TRAPPC8: variants seen among roughly 807,000 people sequenced by gnomAD.
TRAPPC8 encodes general sporulation gene 1 homolog.
TRAPPC8 carries 54 observed loss-of-function variants against 174.3 expected under a neutral mutation model. The ratio of observed to expected loss-of-function variants is 0.31; its 90% CI spans 0.25 to 0.39. TRAPPC8 has a LOEUF of 0.39. Among genes scored for constraint, TRAPPC8 ranks in the 10% least tolerant of loss-of-function variants. The pLI is 1.00. For synonymous variants in TRAPPC8, 630 were observed against 579.9 expected (o/e 1.09, Z -1.24); for missense variants, 1,531 against 1,699.1 (o/e 0.90, Z 1.74).
At chr18:31,832,565 T>G (rs2032436775) in intron 27 of TRAPPC8, 1 of 152,220 alleles carries the variant, frequency 6.6e-6, no homozygotes, top group Admixed American at 6.6e-5. Flanking sequence ...AAAAATTACT[T>G]AATTTTGAGA....
rs762071094 is a variant in TRAPPC8, at chr18:31,830,842, T to A, written c.4221A>T (p.Val1407=). 3.1e-6 allele frequency: 5 copies of A among 1,614,162 alleles called. No homozygotes were observed. The South Asian group carries it at 5.5e-5, about 18-fold the overall frequency. ...TGVYNLGTPR[V]FAKLSDQVTV... The stretch of plus-strand genomic sequence containing the variant: ...TAACTTGGTCCGATAACTTGGCAAA[T>A]ACCCTAGGAGTTCCAAGGTTATAAA... Residue 1407 remains valine, a synonymous_variant, in exon 29 of 29, where the codon GTA becomes GTT. Coordinates refer to ENST00000283351, the MANE Select transcript of TRAPPC8 (RefSeq NM_014939.5).
intron 1 of TRAPPC8, among the ~76,000 whole-genome samples, chr18:31,932,167 C>T (rs887485909): frequency 6.6e-5 from 10 of 152,004 alleles, no homozygotes; most frequent in African/African-American, 1.9e-4. Context: ...CGGTGGCTCA[C>T]GCCTATAATC....
chr18:31,839,546 A>C, intron 26 of TRAPPC8, 89 bp from the exon 27 acceptor site: 3 of 1,237,068 alleles, frequency 2.4e-6, no homozygotes, highest in Non-Finnish European at 3.2e-6. Context: ...CAAAAGTTAA[A>C]ATCAGCAGAG....
At chr18:31,843,256 A>T (rs190956652) in intron 26 of TRAPPC8, among the ~76,000 whole-genome samples, 3 of 152,218 alleles carry the variant, frequency 2.0e-5, no homozygotes, top group African/African-American at 4.8e-5. Context: ...TTATTAAACA[A>T]TATCACCTCT....
At chr18:31,849,887 C>T in intron 24 of TRAPPC8, 148 bp from the exon 25 acceptor site, 1 of 657,512 alleles carries the variant, frequency 1.5e-6, no homozygotes, top group Non-Finnish European at 2.3e-6. Flanking sequence ...TTCAATAATT[C>T]TTGTCAATGT....
At position 31,849,439 on chromosome 18, in the gene TRAPPC8, TA is replaced by T. The variant is rs1393181341; in HGVS notation, c.3735+126del. 4 of 854,068 alleles carry T rather than the reference TA, an allele frequency of 4.7e-6. No individual in the cohort carries two copies. In the African/African-American group the frequency reaches 5.3e-5, roughly 11 times the overall value. The allele number at this position is 854,068 out of a possible 1,614,324, so 52.9% of individuals were successfully genotyped here. ...AGGCCAAAAAAAAATATGTAACTGT[TA>T]AAGTTTCAATATTGAAACTAGAAAA... On this transcript the variant is annotated intron_variant, in intron 25 of 28. Coordinates refer to ENST00000283351, the MANE Select transcript of TRAPPC8 (RefSeq NM_014939.5).
intron 9 of TRAPPC8, among the ~76,000 whole-genome samples, chr18:31,904,908 T>C (rs1598713672): frequency 6.6e-6 from 1 of 151,842 alleles, no homozygotes; most frequent in African/African-American, 2.4e-5. Context: ...CACATGCTTG[T>C]AATCCCAGCT....
intron 24 of TRAPPC8, among the ~76,000 whole-genome samples, chr18:31,851,512 TC>T (rs2033700869): frequency 6.8e-6 from 1 of 147,412 alleles, no homozygotes; most frequent in Non-Finnish European, 1.5e-5. Context: ...TCTAGGAGGC[TC>T]TTTTTTTTTT....
At chr18:31,878,556 C>T (rs993903741) in intron 12 of TRAPPC8, among the ~76,000 whole-genome samples, 4 of 152,078 alleles carry the variant, frequency 2.6e-5, no homozygotes, top group East Asian at 1.9e-4. Flanking sequence ...TAAAGATACA[C>T]GTAAGTACAA....
chr18:31,858,852 GCCAGAGTTGGTGGATC>G (rs201579113), intron 19 of TRAPPC8, among the ~76,000 whole-genome samples: 1,617 of 152,288 alleles, frequency 0.011, 28 homozygotes, highest in African/African-American at 0.037. Flanking sequence ...ACTTTGGGAG[GCCAGAGTTGGTGGATC>G]CCAGAGTTGG....
In TRAPPC8 at chr18:31,937,163, G is replaced by C. The variant is rs566656008; in HGVS notation, c.157+5445C>G. Among the ~76,000 whole-genome samples, 3 of 152,216 alleles carry C rather than the reference G, an allele frequency of 2.0e-5. No individual in the cohort carries two copies. In the South Asian group the frequency reaches 6.2e-4, roughly 32 times the overall value. On this transcript the variant is annotated intron_variant, in intron 1 of 28. Coordinates refer to ENST00000283351, the MANE Select transcript of TRAPPC8 (RefSeq NM_014939.5). ...CAGGAGGCGGAGCTTGCAGTGAGCT[G>C]AGACGCACCACTGCACTCCAGCCTG...
At chr18:31,852,880 T>C (rs543850943) in intron 22 of TRAPPC8, 6 of 507,276 alleles carry the variant, frequency 1.2e-5, no homozygotes, top group African/African-American at 9.6e-5. Flanking sequence ...TGCACATGTA[T>C]ATATATATAT....
rs939749578 is a variant in TRAPPC8, at chr18:31,829,676, C to A, written c.*1079G>T. 3.9e-5 allele frequency: 6 copies of A among 152,256 alleles called. No homozygotes were observed. The highest frequency in any genetic ancestry group is 1.4e-4 in the African/African-American group (6 of 41,448). The allele number at this position is 152,256 out of a possible 1,614,324, so 9.4% of individuals were successfully genotyped here. On this transcript the variant is annotated 3_prime_UTR_variant, in exon 29 of 29. Coordinates refer to ENST00000283351, the MANE Select transcript of TRAPPC8 (RefSeq NM_014939.5). ...ATTAGTGCCGAGATTGAGACTGGAA[C>A]AAACCATGGTAGCTGTCAATGGCAC...
At chr18:31,855,840 A>C (rs1415769794) in intron 20 of TRAPPC8, 33 bp from the exon 21 acceptor site, 1 of 1,567,756 alleles carries the variant, frequency 6.4e-7, no homozygotes, top group Non-Finnish European at 8.6e-7. Context: ...AAGCACATTT[A>C]AGCACAGAGT....
rs1168030775 is a variant in TRAPPC8, at chr18:31,934,871, C to T, written c.158-3348G>A. 4.6e-5 allele frequency among the ~76,000 whole-genome samples: 7 copies of T among 151,292 alleles called. No homozygotes were observed. The South Asian group carries it at 1.3e-3, about 27-fold the overall frequency. ...AATGAGAGCTGAGATCACACTACTG[C>T]ACTCCAGCCTGGGCAATGAGAGCTG... On this transcript the variant is annotated intron_variant, in intron 1 of 28. Coordinates refer to ENST00000283351, the MANE Select transcript of TRAPPC8 (RefSeq NM_014939.5).
In TRAPPC8 at chr18:31,940,402, T is replaced by C. The variant is rs142995475; in HGVS notation, c.157+2206A>G. The stretch of plus-strand genomic sequence containing the variant: ...ATCGCTTGAACCTGGGAGGCAGAGG[T>C]TGTAGTGAGCCAAGATCGCGCCACT... On this transcript the variant is annotated intron_variant, in intron 1 of 28. Coordinates refer to ENST00000283351, the MANE Select transcript of TRAPPC8 (RefSeq NM_014939.5). Among the ~76,000 whole-genome samples the C allele has an allele frequency of 7.1e-3, 1,084 of 152,124 alleles. 15 individuals are homozygous for C. Among genetic ancestry groups the C allele is most frequent in the African/African-American group, 0.025 (1,045 of 41,500 alleles).
chr18:31,941,680 T>G (rs144412279), intron 1 of TRAPPC8, among the ~76,000 whole-genome samples: 2 of 152,194 alleles, frequency 1.3e-5, no homozygotes, highest in East Asian at 3.9e-4. Context: ...ACAGCACTGA[T>G]TTTTTTTGTG....
chr18:31,919,533 A>AAAAT lies in TRAPPC8; in HGVS notation c.353-1870_353-1867dup, dbSNP rs200943530. On this transcript the variant is annotated intron_variant, in intron 2 of 28. Coordinates refer to ENST00000283351, the MANE Select transcript of TRAPPC8 (RefSeq NM_014939.5). ...GGGCAATAGAGTGAGACTCAGTCTC[A>AAAAT]AAATAAATAAATAAATAAATAAATA... Among the ~76,000 whole-genome samples, 1,000 of 115,628 alleles carry AAAAT rather than the reference A, an allele frequency of 8.6e-3. 9 individuals are homozygous for AAAAT. The highest frequency in any genetic ancestry group is 0.018 in the East Asian group (74 of 4,076). The allele number at this position is 115,628 out of a possible 152,430, so 75.9% of individuals were successfully genotyped here. A position where few individuals can be genotyped will look rare whatever the true frequency, so the allele number is the denominator to read the frequency against.
intron 26 of TRAPPC8, 47 bp from the exon 27 acceptor site, chr18:31,839,504 T>C (rs780151840): frequency 4.0e-6 from 6 of 1,498,028 alleles, no homozygotes; most frequent in Middle Eastern, 1.8e-4. Flanking sequence ...CACTACCTTG[T>C]TTAAAAAAAA....
Sources: gnomAD v4.1 joint callset for allele counts (sites outside exome capture counted in the v4.1 genomes callset) on GRCh38, gnomAD v4.1.1 for gene constraint, MANE v1.5 for transcripts, NCBI Gene and HGNC (gene_info 2026-07-23, HGNC 2026-07-21) for gene names.